Variants in SLC4A4 observed in about 807,000 individuals in gnomAD.
SLC4A4 encodes electrogenic sodium bicarbonate cotransporter 1.
Under a neutral mutation model 111.5 loss-of-function variants are expected in SLC4A4, and 27 were observed. The ratio of observed to expected loss-of-function variants is 0.24; its 90% CI spans 0.18 to 0.33. The LOEUF (loss-of-function observed/expected upper bound fraction) is 0.33. SLC4A4 is among the 10% of genes least tolerant of loss of function. SLC4A4 has a pLI of 1.00. For missense variants in SLC4A4, 909 were observed against 1,315.5 expected (o/e 0.69, Z 4.78); for synonymous variants, 443 against 463.4 (o/e 0.96, Z 0.57).
intron 1 of SLC4A4, among the ~76,000 whole-genome samples, chr4:71,087,825 C>G (rs1352772583): frequency 6.6e-6 from 1 of 151,928 alleles, no homozygotes; most frequent in Non-Finnish European, 1.5e-5. Flanking sequence ...TTACTTCCAA[C>G]TATGTGGTCA....
intron 3 of SLC4A4, among the ~76,000 whole-genome samples, chr4:71,327,477 T>G (rs780399785): frequency 2.1e-4 from 32 of 152,032 alleles, no homozygotes; most frequent in Non-Finnish European, 3.7e-4. Flanking sequence ...CCTTACCTTC[T>G]TAGGATGCAT....
At chr4:71,296,521 G>T (rs1724804877) in intron 3 of SLC4A4, among the ~76,000 whole-genome samples, 1 of 152,088 alleles carries the variant, frequency 6.6e-6, no homozygotes, top group African/African-American at 2.4e-5. Flanking sequence ...TCAGAGTTGG[G>T]TGTATTTTTT....
chr4:71,482,069 T>A (rs966155840), intron 14 of SLC4A4, among the ~76,000 whole-genome samples: 3 of 151,664 alleles, frequency 2.0e-5, no homozygotes, highest in Non-Finnish European at 4.4e-5. Flanking sequence ...CATTCTGCAA[T>A]TGGTTGCCAA....
In SLC4A4 at chr4:71,227,594, T is replaced by C. The variant is rs2149028832; in HGVS notation, c.-1-8982T>C. Among the ~76,000 whole-genome samples, 2 of 152,260 alleles carry C rather than the reference T, an allele frequency of 1.3e-5. 1 individual carries two copies. The highest frequency in any genetic ancestry group is 2.9e-5 in the Non-Finnish European group (2 of 68,018). ...CCTTTCCCGTGATTGTCCTGTGGGG[T>C]ATCATCCCTTCTTCCCTTTGCTCTT... On this transcript the variant is annotated intron_variant, in intron 1 of 25. Coordinates refer to ENST00000264485, the MANE Select transcript of SLC4A4 (RefSeq NM_001098484.3).
At chr4:71,373,742 C>T (rs1437548517) in intron 6 of SLC4A4, among the ~76,000 whole-genome samples, 1 of 152,086 alleles carries the variant, frequency 6.6e-6, no homozygotes, top group Non-Finnish European at 1.5e-5. Flanking sequence ...GAGATGATTT[C>T]AGTAGACCAG....
chr4:71,522,997 G>A (rs1171231481), intron 16 of SLC4A4, among the ~76,000 whole-genome samples: 1 of 152,048 alleles, frequency 6.6e-6, no homozygotes, highest in Non-Finnish European at 1.5e-5. Flanking sequence ...TGACATTTTG[G>A]TCTGTGGCCA....
chr4:71,107,660 T>A (rs2148950178), intron 2 of SLC4A4, among the ~76,000 whole-genome samples: 1 of 152,028 alleles, frequency 6.6e-6, no homozygotes, highest in Admixed American at 6.6e-5. Flanking sequence ...TTTAGTTGAT[T>A]TTTACAGATA....
At chr4:71,372,463 C>T (rs1731980518) in intron 6 of SLC4A4, among the ~76,000 whole-genome samples, 1 of 152,256 alleles carries the variant, frequency 6.6e-6, no homozygotes, top group Non-Finnish European at 1.5e-5. Flanking sequence ...AGCATAAGAA[C>T]ATACCCTATC....
intron 3 of SLC4A4, among the ~76,000 whole-genome samples, chr4:71,312,753 G>C (rs1726309238): frequency 6.6e-6 from 1 of 152,128 alleles, no homozygotes; most frequent in Admixed American, 6.5e-5. Context: ...CAATAAAGTA[G>C]GTATCGATGG....
chr4:71,257,490 G>T (rs1721536435), intron 3 of SLC4A4, among the ~76,000 whole-genome samples: 1 of 152,134 alleles, frequency 6.6e-6, no homozygotes, highest in Non-Finnish European at 1.5e-5. Context: ...ATTTGGTACA[G>T]TTCTGTTTAA....
chr4:71,177,945 C>A (rs968932503), intron 2 of SLC4A4, among the ~76,000 whole-genome samples: 2 of 152,172 alleles, frequency 1.3e-5, no homozygotes, highest in Non-Finnish European at 2.9e-5. Flanking sequence ...CACTCCTCAG[C>A]AAATGTAAAA....
At chr4:71,088,871 C>G (rs538587195) in intron 1 of SLC4A4, among the ~76,000 whole-genome samples, 3 of 152,110 alleles carry the variant, frequency 2.0e-5, no homozygotes, top group Admixed American at 2.0e-4. Flanking sequence ...GTGAATCTGA[C>G]AATTATGTGG....
At chr4:71,219,258 G>A (rs1476117464) in intron 1 of SLC4A4, among the ~76,000 whole-genome samples, 2 of 152,304 alleles carry the variant, frequency 1.3e-5, no homozygotes, top group Non-Finnish European at 2.9e-5. Flanking sequence ...AAAATTAGAA[G>A]TGCTACTCCA....
intron 5 of SLC4A4, among the ~76,000 whole-genome samples, chr4:71,355,842 T>C (rs1253187759): frequency 6.6e-6 from 1 of 152,248 alleles, no homozygotes; most frequent in African/African-American, 2.4e-5. Context: ...TCAATTTTCT[T>C]GCCGGCTTTT....
At position 71,146,525 on chromosome 4, in the gene SLC4A4, C is replaced by G. The variant is rs1025729814; in HGVS notation, c.-2+53733C>G. Among the ~76,000 whole-genome samples the G allele has an allele frequency of 2.6e-5, 4 of 152,000 alleles. No homozygotes were observed. The South Asian group carries it at 8.3e-4, about 32-fold the overall frequency. ...CCTTGTTAACTTTCTGTCTCGTTCA[C>G]CTGTCTAATGTGGACAGTGGGGTGT... On this transcript the variant is annotated intron_variant, in intron 2 of 26. Coordinates refer to the SLC4A4 transcript ENST00000649996.
intron 2 of SLC4A4, among the ~76,000 whole-genome samples, chr4:71,148,738 T>G (rs990736402): frequency 1.3e-5 from 2 of 152,202 alleles, no homozygotes; most frequent in Non-Finnish European, 2.9e-5. Context: ...TTGTTCTTTT[T>G]TATGGCTGCA....
chr4:71,170,043 C>G (rs900743134), intron 2 of SLC4A4, among the ~76,000 whole-genome samples: 4 of 152,192 alleles, frequency 2.6e-5, no homozygotes, highest in African/African-American at 9.7e-5. Context: ...TTTTCTCTGC[C>G]TAGAGCACAT....
chr4:71,164,817 T>C (rs1165228029), intron 2 of SLC4A4, among the ~76,000 whole-genome samples: 4 of 152,032 alleles, frequency 2.6e-5, no homozygotes, highest in Non-Finnish European at 5.9e-5. Flanking sequence ...GACAAAGGGC[T>C]AATATCCAGA....
chr4:71,079,372 G>C (rs1446000507), intron 1 of SLC4A4, among the ~76,000 whole-genome samples: 1 of 152,158 alleles, frequency 6.6e-6, no homozygotes, highest in Non-Finnish European at 1.5e-5. Context: ...ACATCCTTTT[G>C]TGCTTTGAAT....
Sources: allele counts gnomAD v4.1 joint callset (sites outside exome capture counted in the v4.1 genomes callset), GRCh38; gene constraint gnomAD v4.1.1; transcripts MANE v1.5; gene names NCBI Gene and HGNC (gene_info 2026-07-23, HGNC 2026-07-21).